PLA2G6: variants seen among roughly 807,000 people sequenced by gnomAD.
PLA2G6 encodes 85/88 kDa calcium-independent phospholipase A2.
In PLA2G6, 62 loss-of-function variants were observed where a neutral mutation model predicts 83.8. The observed-to-expected ratio is 0.74, with a 90% CI of 0.60 to 0.91. PLA2G6 has a LOEUF of 0.91. Among genes scored for constraint, PLA2G6 ranks in the 40% least tolerant of loss-of-function variants. The pLI is 0.00. For synonymous variants in PLA2G6, 417 were observed against 449.8 expected (o/e 0.93, Z 0.92); for missense variants, 944 against 1,102.0 (o/e 0.86, Z 2.03).
At chr22:38,112,634 C>T (rs550285876) in intron 15 of PLA2G6, 57 bp from the exon 16 acceptor site, 37 of 1,427,444 alleles carry the variant, frequency 2.6e-5, no homozygotes, top group Middle Eastern at 4.2e-4. Context: ...GCCCGCACCC[C>T]GCCCGGCCCT....
Position 38,127,258 on chromosome 22 carries a change from C to T in PLA2G6, c.1349-809G>A, listed in dbSNP as rs2087917221. 2.4e-6 allele frequency: 3 copies of T among 1,229,214 alleles called. No individual in the cohort carries two copies. The African/African-American group carries it at 4.7e-5, about 19-fold the overall frequency. The allele number at this position is 1,229,214 out of a possible 1,614,324, so 76.1% of individuals were successfully genotyped here. A position where few individuals can be genotyped will look rare whatever the true frequency, so the allele number is the denominator to read the frequency against. On this transcript the variant is annotated intron_variant, in intron 9 of 16. Coordinates refer to ENST00000332509, the MANE Select transcript of PLA2G6 (RefSeq NM_003560.4). Reference sequence around the variant, plus strand: ...ACGGCTCCACAGTGAACAAGGGAAGCAGAAGAGTGGCTGAGAGAGGCCGGG... The same window carrying T: ...ACGGCTCCACAGTGAACAAGGGAAGTAGAAGAGTGGCTGAGAGAGGCCGGG...
chr22:38,150,990 G>C (rs958976535), intron 2 of PLA2G6, among the ~76,000 whole-genome samples: 1 of 152,206 alleles, frequency 6.6e-6, no homozygotes, highest in Non-Finnish European at 1.5e-5. Flanking sequence ...AGGAGGTTGA[G>C]GGAGGAGAAT....
chr22:38,150,638 A>G (rs1486833631), intron 2 of PLA2G6: 1 of 152,288 alleles, frequency 6.6e-6, no homozygotes, highest in Admixed American at 6.5e-5. Flanking sequence ...TATATGTGCC[A>G]CATTACACCT....
chr22:38,133,640 C>T (rs2088360523), intron 6 of PLA2G6: 1 of 153,984 alleles, frequency 6.5e-6, no homozygotes, highest in South Asian at 2.0e-4. Context: ...TGCAGAGGTA[C>T]CCTGAGGCTG....
At position 38,123,851 on chromosome 22, in the gene PLA2G6, T is replaced by C. The variant is rs562743750; in HGVS notation, c.1428-593A>G. Among the ~76,000 whole-genome samples, 3 of 152,280 alleles carry C rather than the reference T, an allele frequency of 2.0e-5. No individual in the cohort carries two copies. Among genetic ancestry groups the C allele is most frequent in the Admixed American group, 2.0e-4 (3 of 15,308 alleles). ...CCTGACATCCCTGTGCTTATTTATT[T>C]AGAGACGGAGTTTCACTCTTGTTGC... On this transcript the variant is annotated intron_variant, in intron 10 of 16. Transcript: ENST00000332509. This position sits in a 1 kb window ranked among gnomAD's most constrained non-coding sequence, Gnocchi z 4.1.
At chr22:38,148,738 A>G (rs2089405810) in intron 2 of PLA2G6, 2 of 507,078 alleles carry the variant, frequency 3.9e-6, no homozygotes, top group East Asian at 3.4e-5. Context: ...CAGAGACCAC[A>G]GTTCAGCCTC....
At chr22:38,145,356 G>A in intron 3 of PLA2G6, 82 bp downstream of exon 3, 1 of 1,173,596 alleles carries the variant, frequency 8.5e-7, no homozygotes. Flanking sequence ...AAACTATGGA[G>A]GGGAACCGAG....
intron 2 of PLA2G6, among the ~76,000 whole-genome samples, chr22:38,164,257 C>T (rs923860650): frequency 2.6e-5 from 4 of 152,142 alleles, no homozygotes; most frequent in Admixed American, 2.6e-4. Flanking sequence ...GGGTGGAGCT[C>T]CACTCAGCTC....
intron 2 of PLA2G6, among the ~76,000 whole-genome samples, chr22:38,167,048 G>C (rs965520463): frequency 3.3e-5 from 5 of 151,944 alleles, no homozygotes; most frequent in Non-Finnish European, 7.4e-5. Context: ...CTAACATGGT[G>C]AAACCCCATC....
At chr22:38,136,784 C>T (rs1602148706) in intron 5 of PLA2G6, 1 of 142,100 alleles carries the variant, frequency 7.0e-6, no homozygotes, top group Admixed American at 7.4e-5. Flanking sequence ...GGACAGCCCA[C>T]ATGGGTTTAA....
At chr22:38,112,967 C>T in intron 15 of PLA2G6, 1 of 382,696 alleles carries the variant, frequency 2.6e-6, no homozygotes, top group Non-Finnish European at 4.9e-6. Flanking sequence ...AGTGCAGTGG[C>T]ATGATCACAG....
chr22:38,122,615 A>G (rs11570734), intron 11 of PLA2G6, among the ~76,000 whole-genome samples: 62,631 of 152,028 alleles, frequency 0.41, 13,269 homozygotes, highest in South Asian at 0.57. Context: ...ATCCCTCCCC[A>G]CCTGGGAACT....
At chr22:38,148,196 A>G (rs1335310016) in intron 2 of PLA2G6, 2 of 340,802 alleles carry the variant, frequency 5.9e-6, no homozygotes, top group Non-Finnish European at 5.6e-6. Context: ...GGCCTGATTA[A>G]AGTGGGTTTA....
At chr22:38,177,336 A>G (rs1278881431) in intron 1 of PLA2G6, among the ~76,000 whole-genome samples, 1 of 151,584 alleles carries the variant, frequency 6.6e-6, no homozygotes, top group Non-Finnish European at 1.5e-5. Flanking sequence ...GCTCATTCCA[A>G]CCTCTTTCCT....
At chr22:38,120,560 C>T (rs917654077) in intron 12 of PLA2G6, among the ~76,000 whole-genome samples, 199 bp downstream of exon 12, 1 of 152,200 alleles carries the variant, frequency 6.6e-6, no homozygotes, top group Non-Finnish European at 1.5e-5. Context: ...CACGCCCCTC[C>T]TGCGCTCAGC....
At chr22:38,116,399 G>C (rs1446623889) in intron 12 of PLA2G6, 188 bp from the exon 13 acceptor site, 2 of 745,738 alleles carry the variant, frequency 2.7e-6, no homozygotes, top group Middle Eastern at 2.3e-4. Flanking sequence ...AGGAGTGTCA[G>C]ATTGGTCCAA....
chr22:38,112,364 C>T, intron 16 of PLA2G6, 59 bp from the exon 17 acceptor site: 3 of 1,586,330 alleles, frequency 1.9e-6, no homozygotes, highest in Non-Finnish European at 2.6e-6. Flanking sequence ...CAGGGGACGC[C>T]AGCTAGGACC....
chr22:38,163,170 G>GT (rs754499694), intron 2 of PLA2G6, among the ~76,000 whole-genome samples: 2 of 152,202 alleles, frequency 1.3e-5, no homozygotes, highest in Non-Finnish European at 2.9e-5. Context: ...TGAGTCCCCA[G>GT]TTTCAAAGCC....
chr22:38,135,429 G>A, intron 5 of PLA2G6: 1 of 318,562 alleles, frequency 3.1e-6, no homozygotes, highest in Non-Finnish European at 6.1e-6. Context: ...AGTGGCTGGG[G>A]TGTAAGGAAG....
Sources: gnomAD v4.1 joint callset for allele counts (sites outside exome capture counted in the v4.1 genomes callset) on GRCh38, gnomAD v4.1.1 for gene constraint, Gnocchi (gnomAD v3.1) non-coding constraint, MANE v1.5 for transcripts, NCBI Gene and HGNC (gene_info 2026-07-23, HGNC 2026-07-21) for gene names.